The following GRID2 variants were observed in gnomAD, a reference collection of about 807,000 sequenced individuals.
GRID2 encodes glutamate receptor ionotropic, delta-2.
A neutral mutation model predicts 114.8 loss-of-function variants in GRID2; 33 were observed. That is an observed-to-expected ratio of 0.29 (90% CI 0.22 to 0.38). GRID2 has a LOEUF of 0.38. GRID2 is among the 10% of genes least tolerant of loss of function. The probability of loss-of-function intolerance (pLI) is 1.00; values close to 1 mark genes in which losing one functional copy is unlikely to be tolerated. For synonymous variants in GRID2, 505 were observed against 449.9 expected, an observed-to-expected ratio of 1.12 and a Z score of -1.55; for missense variants, 1,184 against 1,257.7, an observed-to-expected ratio of 0.94 and a Z score of 0.89.
At chr4:92,612,852 G>C (rs1407214680) in intron 2 of GRID2, among the ~76,000 whole-genome samples, 1 of 151,270 alleles carries the variant, frequency 6.6e-6, no homozygotes, top group African/African-American at 2.4e-5. Context: ...TCTGCAAGTA[G>C]GATCATGTTA....
At chr4:92,942,298 G>A in intron 2 of GRID2, among the ~76,000 whole-genome samples, 1 of 152,122 alleles carries the variant, frequency 6.6e-6, no homozygotes, top group Middle Eastern at 3.2e-3. Context: ...TCTTCTTGTT[G>A]AATTGATCCC....
At chr4:92,836,998 A>G (rs1742505059) in intron 2 of GRID2, among the ~76,000 whole-genome samples, 2 of 152,118 alleles carry the variant, frequency 1.3e-5, no homozygotes, top group Admixed American at 6.6e-5. Context: ...CCAAGGGTTC[A>G]GTCTAGGTCC....
At chr4:92,715,415 A>T (rs532323044) in intron 2 of GRID2, among the ~76,000 whole-genome samples, 2 of 152,172 alleles carry the variant, frequency 1.3e-5, no homozygotes, top group South Asian at 4.2e-4. Context: ...TCTGCCTGTC[A>T]CCCAGTTCCA....
chr4:93,378,793 C>G (rs2149304705), intron 8 of GRID2, among the ~76,000 whole-genome samples: 1 of 152,118 alleles, frequency 6.6e-6, no homozygotes, highest in South Asian at 2.1e-4. Context: ...GCATCTGGTG[C>G]TCTATTCTGC....
chr4:92,794,155 C>G (rs1012382309), intron 2 of GRID2, among the ~76,000 whole-genome samples: 3 of 151,776 alleles, frequency 2.0e-5, no homozygotes. Context: ...TTCTTACTAT[C>G]AGCCAGGCTA....
chr4:92,424,924 T>C (rs1049008566), intron 1 of GRID2, among the ~76,000 whole-genome samples: 2 of 151,936 alleles, frequency 1.3e-5, no homozygotes, highest in African/African-American at 4.8e-5. Flanking sequence ...TAAAATAATT[T>C]AATGAATGGA....
intron 12 of GRID2, among the ~76,000 whole-genome samples, chr4:93,492,973 C>A (rs1029827889): frequency 2.6e-5 from 4 of 151,816 alleles, no homozygotes; most frequent in Non-Finnish European, 5.9e-5. Flanking sequence ...TTTCTAGATT[C>A]TACATATAAG....
At chr4:93,668,542 G>A (rs533055167) in intron 14 of GRID2, among the ~76,000 whole-genome samples, 1 of 152,038 alleles carries the variant, frequency 6.6e-6, no homozygotes, top group South Asian at 2.1e-4. Context: ...TATATGCTAG[G>A]GATTCAGAGA....
chr4:93,500,042 T>A (rs1727945921), intron 12 of GRID2, among the ~76,000 whole-genome samples: 1 of 151,972 alleles, frequency 6.6e-6, no homozygotes, highest in South Asian at 2.1e-4. Flanking sequence ...TCTTAGGAAA[T>A]AAAGAGAGCT....
At chr4:93,316,339 A>AGAAAGAAAGAAAGAAAGAAGGAAGGAAG (rs1192535496) in intron 8 of GRID2, among the ~76,000 whole-genome samples, 12 of 55,018 alleles carry the variant, frequency 2.2e-4, no homozygotes, top group African/African-American at 7.1e-4. Flanking sequence ...AAAGAAAGAA[A>AGAAAGAAAGAAAGAAAGAAGGAAGGAAG]GAAGGAAGGA....
chr4:92,601,958 C>A (rs1173193694), intron 2 of GRID2, among the ~76,000 whole-genome samples: 1 of 151,744 alleles, frequency 6.6e-6, no homozygotes, highest in Non-Finnish European at 1.5e-5. Context: ...CAAGACTGAA[C>A]CAGGAAGAAG....
rs979308803 is a variant in GRID2 at position 92,960,585 on chromosome 4, A to G, written c.245-124410A>G. On this transcript the variant is annotated intron_variant, in intron 2 of 15. Transcript: ENST00000282020. ...GAAATTTGTTTTGATGATTGTTAGC[A>G]TAATATATATTTCCCCATTCATTTA... Among the ~76,000 whole-genome samples, 4 of 152,004 alleles carry G rather than the reference A, an allele frequency of 2.6e-5. No homozygotes were observed. In the South Asian group the frequency reaches 6.2e-4, roughly 24 times the overall value.
At chr4:93,342,889 C>T (rs1278074133) in intron 8 of GRID2, among the ~76,000 whole-genome samples, 1 of 152,064 alleles carries the variant, frequency 6.6e-6, no homozygotes, top group African/African-American at 2.4e-5. Flanking sequence ...ATAATTTATG[C>T]ATCAAGAAAA....
At chr4:93,174,978 A>G (rs1739213568) in intron 4 of GRID2, among the ~76,000 whole-genome samples, 1 of 152,054 alleles carries the variant, frequency 6.6e-6, no homozygotes. Context: ...GTCTAGAGTA[A>G]ATGTCCAATA....
intron 2 of GRID2, among the ~76,000 whole-genome samples, chr4:92,983,001 G>A (rs925035883): frequency 5.9e-5 from 9 of 151,910 alleles, no homozygotes; most frequent in African/African-American, 2.2e-4. Flanking sequence ...TATCAAACTG[G>A]GTCAGCTCTG....
At chr4:92,451,801 T>C (rs1246443951) in intron 1 of GRID2, among the ~76,000 whole-genome samples, 1 of 152,120 alleles carries the variant, frequency 6.6e-6, no homozygotes, top group African/African-American at 2.4e-5. Context: ...CACAAAATAA[T>C]CCTGTATTGT....
intron 2 of GRID2, among the ~76,000 whole-genome samples, chr4:93,081,041 A>G (rs906470961): frequency 2.0e-5 from 3 of 152,188 alleles, no homozygotes; most frequent in Admixed American, 2.0e-4. Context: ...AACACATCAC[A>G]TTAGGTTCCA....
At chr4:92,836,305 C>A (rs1336551342) in intron 2 of GRID2, among the ~76,000 whole-genome samples, 1 of 151,996 alleles carries the variant, frequency 6.6e-6, no homozygotes, top group African/African-American at 2.4e-5. Flanking sequence ...AAATTAAAAT[C>A]AAGAAATATA....
chr4:93,468,396 TATATC>T (rs913179023), intron 11 of GRID2, among the ~76,000 whole-genome samples: 3 of 152,078 alleles, frequency 2.0e-5, no homozygotes, highest in Non-Finnish European at 4.4e-5. Flanking sequence ...ATAAACTACA[TATATC>T]AGAACTCAAA....
Sources: gnomAD v4.1 joint callset for allele counts (sites outside exome capture counted in the v4.1 genomes callset) on GRCh38, gnomAD v4.1.1 for gene constraint, MANE v1.5 for transcripts, NCBI Gene and HGNC (gene_info 2026-07-23, HGNC 2026-07-21) for gene names.